KDM4B: variants seen among roughly 807,000 people sequenced by gnomAD.
KDM4B encodes the protein lysine-specific demethylase 4B.
In KDM4B, 32 loss-of-function variants were observed where a neutral mutation model predicts 125.2. The observed-to-expected ratio is 0.26, with a 90% CI of 0.19 to 0.34. The LOEUF is 0.34. Ranked by LOEUF, KDM4B falls within the 10% of genes least tolerant of loss-of-function variation. KDM4B has a pLI of 1.00. For synonymous variants in KDM4B, 721 were observed against 677.9 expected, an observed-to-expected ratio of 1.06 and a Z score of -0.99; for missense variants, 1,190 against 1,577.7, an observed-to-expected ratio of 0.75 and a Z score of 4.16.
At chr19:5,057,095 T>C (rs1043243909) in intron 6 of KDM4B, among the ~76,000 whole-genome samples, 11 of 151,372 alleles carry the variant, frequency 7.3e-5, no homozygotes, top group African/African-American at 2.4e-4. Flanking sequence ...AGCAAATGAC[T>C]CTCCGGCTGT....
intron 15 of KDM4B, among the ~76,000 whole-genome samples, chr19:5,137,058 CT>C (rs2146079532): frequency 6.6e-6 from 1 of 152,326 alleles, no homozygotes; most frequent in South Asian, 2.1e-4. Context: ...AGACCTTTCT[CT>C]CGCTCCACAT....
In KDM4B at chr19:5,142,112, G is replaced by A. The variant is rs2039754611; in HGVS notation, c.2551-1855G>A. 6.6e-6 allele frequency among the ~76,000 whole-genome samples: 1 copy of A among 152,156 alleles called. No individual in the cohort carries two copies. Among genetic ancestry groups the A allele is most frequent in the Non-Finnish European group, 1.5e-5 (1 of 68,018 alleles). On this transcript the variant is annotated intron_variant, in intron 18 of 22. Transcript: ENST00000159111. This position sits in a 1 kb window ranked among gnomAD's most constrained non-coding sequence, Gnocchi z 5.4. ...TGCTTCCTCCAGGCCGTGGTGCTCT[G>A]CAGACCTCTGAAGCCCACCCGCGTC...
chr19:5,115,847 TGACA>T lies in KDM4B; in HGVS notation c.1116-3799_1116-3796del, dbSNP rs1236813672. ...CTTGAAGAATCCCCTCCCACAGCAC[TGACA>T]GACAGAGCTGGAAGATAGGAAGGAT... On this transcript the variant is annotated intron_variant, in intron 10 of 22. Coordinates refer to ENST00000159111, the MANE Select transcript of KDM4B (RefSeq NM_015015.3). The surrounding 1 kb of genome is among the most constrained non-coding windows in gnomAD (Gnocchi z 4.2). 3.9e-5 allele frequency among the ~76,000 whole-genome samples: 6 copies of T among 152,188 alleles called. No individual in the cohort carries two copies. Among genetic ancestry groups the T allele is most frequent in the Non-Finnish European group, 5.9e-5 (4 of 67,974 alleles).
At chr19:5,024,224 G>A (rs2036212148) in intron 2 of KDM4B, among the ~76,000 whole-genome samples, 1 of 152,250 alleles carries the variant, frequency 6.6e-6, no homozygotes, top group Middle Eastern at 3.4e-3. Context: ...CAGATCTTGG[G>A]GACATGGGCA....
At chr19:5,001,667 G>GT (rs1423230722) in intron 1 of KDM4B, among the ~76,000 whole-genome samples, 4 of 149,926 alleles carry the variant, frequency 2.7e-5, no homozygotes, top group African/African-American at 1.0e-4. Flanking sequence ...AAACACCCAT[G>GT]TAAGTCCTGT....
chr19:5,104,318 G>A (rs1209405006), intron 9 of KDM4B, among the ~76,000 whole-genome samples: 1 of 152,218 alleles, frequency 6.6e-6, no homozygotes, highest in Non-Finnish European at 1.5e-5. Flanking sequence ...TTCAGGGCAG[G>A]GCCCAGCGTT....
At chr19:4,980,247 A>G (rs2034590003) in intron 1 of KDM4B, among the ~76,000 whole-genome samples, 4 of 151,888 alleles carry the variant, frequency 2.6e-5, no homozygotes, top group African/African-American at 9.7e-5. Context: ...CCCCTCCCCC[A>G]TCTGCTGGTA....
rs1443296503 is a variant in KDM4B, at chr19:5,114,473, C to T, written c.1115+3655C>T. On this transcript the variant is annotated intron_variant, in intron 10 of 22. Coordinates refer to ENST00000159111, the MANE Select transcript of KDM4B (RefSeq NM_015015.3). This position sits in a 1 kb window ranked among gnomAD's most constrained non-coding sequence, Gnocchi z 5.8. Reference sequence around the variant, plus strand: ...CCCAGCTGCATTCCTGAGCCCTCCCCACCAACAGGGACCTCAGCCCTCAGG... The same window carrying T: ...CCCAGCTGCATTCCTGAGCCCTCCCTACCAACAGGGACCTCAGCCCTCAGG... The T allele has an allele frequency of 7.9e-6, 3 of 378,842 alleles. No individual in the cohort carries two copies. Among genetic ancestry groups the T allele is most frequent in the Non-Finnish European group, 1.6e-5 (3 of 187,558 alleles). 23.5% of individuals were successfully genotyped at this position (378,842 alleles called of 1,614,324 possible). A position where few individuals can be genotyped will look rare whatever the true frequency, so the allele number is the denominator to read the frequency against.
chr19:5,030,142 T>C (rs1034351741), intron 2 of KDM4B, among the ~76,000 whole-genome samples: 9 of 152,188 alleles, frequency 5.9e-5, no homozygotes, highest in African/African-American at 2.2e-4. Context: ...ACAGGATCAC[T>C]GTCACCCAGG....
chr19:5,142,899 C>T lies in KDM4B; in HGVS notation c.2551-1068C>T, dbSNP rs1235577008. 2.0e-5 allele frequency among the ~76,000 whole-genome samples: 3 copies of T among 151,836 alleles called. No homozygotes were observed. The highest frequency in any genetic ancestry group is 1.9e-4 in the East Asian group (1 of 5,164). On this transcript the variant is annotated intron_variant, in intron 18 of 22. Coordinates refer to ENST00000159111, the MANE Select transcript of KDM4B (RefSeq NM_015015.3). This position sits in a 1 kb window ranked among gnomAD's most constrained non-coding sequence, Gnocchi z 5.4. ...TTATTAAATGCTTAGCTGGGCCTGG[C>T]GTGGGTGTGGCGGCCGCCAGGGCCC... is the stretch of plus-strand genomic sequence containing the variant.
rs1028527978 is a variant in KDM4B at position 5,142,203 on chromosome 19, G to A, written c.2551-1764G>A. 1.3e-5 allele frequency among the ~76,000 whole-genome samples: 2 copies of A among 152,106 alleles called. No homozygotes were observed. Among genetic ancestry groups the A allele is most frequent in the Admixed American group, 1.3e-4 (2 of 15,282 alleles). ...CGGGAACTTCGAACCAAACACCAGT[G>A]CCTGGGCCCTTCCAGGCCCCCCACG... is the stretch of plus-strand genomic sequence containing the variant. On this transcript the variant is annotated intron_variant, in intron 18 of 22. Coordinates refer to ENST00000159111, the MANE Select transcript of KDM4B (RefSeq NM_015015.3). This position sits in a 1 kb window ranked among gnomAD's most constrained non-coding sequence, Gnocchi z 5.4.
rs147979939 is a variant in KDM4B, at chr19:5,017,280, G to A, written c.-26+941G>A. On this transcript the variant is annotated intron_variant, in intron 2 of 22. Coordinates refer to ENST00000159111, the MANE Select transcript of KDM4B (RefSeq NM_015015.3). ...GAAGTCATAAAGTGTAAGGGAAGAG[G>A]CTCTGGTCACGTGGTTGGCAAACTA... 8.5e-5 allele frequency among the ~76,000 whole-genome samples: 13 copies of A among 152,300 alleles called. No individual in the cohort carries two copies. In the East Asian group the frequency reaches 2.5e-3, roughly 29 times the overall value.
intron 3 of KDM4B, among the ~76,000 whole-genome samples, chr19:5,033,600 C>T (rs1315423952): frequency 6.6e-6 from 1 of 152,138 alleles, no homozygotes; most frequent in Admixed American, 6.5e-5. Context: ...TCAGACCACA[C>T]CAGAAACAAT....
intron 1 of KDM4B, among the ~76,000 whole-genome samples, chr19:4,995,188 C>T (rs77406091): frequency 2.6e-5 from 4 of 152,308 alleles, no homozygotes; most frequent in Non-Finnish European, 4.4e-5. Context: ...ACCAGCTCCC[C>T]TGTCATCCCT....
intron 9 of KDM4B, among the ~76,000 whole-genome samples, chr19:5,098,479 C>T (rs1357824522): frequency 6.6e-6 from 1 of 152,036 alleles, no homozygotes; most frequent in Non-Finnish European, 1.5e-5. Flanking sequence ...AGGAAGTGCT[C>T]CCATGGTGGC....
At chr19:5,050,566 T>C (rs1270903588) in intron 6 of KDM4B, among the ~76,000 whole-genome samples, 2 of 152,170 alleles carry the variant, frequency 1.3e-5, no homozygotes, top group Non-Finnish European at 2.9e-5. Flanking sequence ...CTGTGCCCCA[T>C]AGAAGCCACT....
chr19:5,083,376 G>A (rs1251408060), intron 9 of KDM4B, among the ~76,000 whole-genome samples: 4 of 152,322 alleles, frequency 2.6e-5, no homozygotes, highest in South Asian at 2.1e-4. Context: ...TGACGGGGAC[G>A]TGGACGGGGC....
At chr19:5,074,496 T>G (rs1384309309) in intron 7 of KDM4B, 2 of 152,238 alleles carry the variant, frequency 1.3e-5, no homozygotes, top group Non-Finnish European at 2.9e-5. Flanking sequence ...TGCTGGCGCC[T>G]TATTGGTGCT....
chr19:4,986,735 C>T (rs944814343), intron 1 of KDM4B, among the ~76,000 whole-genome samples: 3 of 152,198 alleles, frequency 2.0e-5, no homozygotes, highest in Non-Finnish European at 2.9e-5. Flanking sequence ...CACACCTGCC[C>T]ACCTTTGCAG....
Sources: gnomAD v4.1 joint callset for allele counts (sites outside exome capture counted in the v4.1 genomes callset) on GRCh38, gnomAD v4.1.1 for gene constraint, Gnocchi (gnomAD v3.1) non-coding constraint, MANE v1.5 for transcripts, NCBI Gene and HGNC (gene_info 2026-07-23, HGNC 2026-07-21) for gene names.